Variants in ITIH6 observed in about 807,000 individuals in gnomAD.
ITIH6 encodes the protein inter-alpha-trypsin inhibitor heavy chain family member 6, also known as inter-alpha-trypsin inhibitor heavy chain H6.
A neutral mutation model predicts 58.2 loss-of-function variants in ITIH6; 60 were observed. The observed-to-expected ratio is 1.03, with a 90% CI of 0.84 to 1.28. The LOEUF is 1.28. ITIH6 is among the 50% of genes most tolerant of loss of function. The pLI, the probability that ITIH6 is intolerant of heterozygous loss-of-function variation, is 0.00. For missense variants in ITIH6, 1,290 were observed against 1,021.1 expected (o/e 1.26, Z -3.59); for synonymous variants, 493 against 417.4 (o/e 1.18, Z -2.21).
At chrX:54,753,581 A>C (rs763091148) in intron 11 of ITIH6, 70 bp downstream of exon 11, 13 of 775,656 alleles carry the variant, frequency 1.7e-5, no homozygotes, top group Non-Finnish European at 2.6e-5. Flanking sequence ...TTAACCCACA[A>C]ATGTCTAGGG....
Position 54,758,514 on chromosome X carries a change from C to A in ITIH6, c.1560G>T (p.Leu520=). 1 of 1,211,071 alleles carries A rather than the reference C, an allele frequency of 8.3e-7. No homozygotes were observed. Among genetic ancestry groups the A allele is most frequent in the Admixed American group, 2.2e-5 (1 of 46,016 alleles). The change falls in exon 8 of 13, where the codon CTG becomes CTT. Residue 520 remains leucine (L), a synonymous_variant. Transcript: ENST00000218436. ...QPGKQELGIH[L]AARGPKDQLL... is the part of the protein sequence containing the mutation. The stretch of plus-strand genomic sequence containing the variant: ...GCTGATCCTTGGGGCCACGGGCTGC[C>A]AGGTGGATGCCCAGTTCCTGTTTGC...
At chrX:54,755,177 C>A in intron 8 of ITIH6, 68 bp from the exon 9 acceptor site, 5 of 967,155 alleles carry the variant, frequency 5.2e-6, no homozygotes, top group Non-Finnish European at 7.3e-6. Flanking sequence ...ATCTTTCTGA[C>A]AAGGAGAGCC....
At chrX:54,767,340 G>C (rs1928816098) in intron 6 of ITIH6, among the ~76,000 whole-genome samples, 1 of 108,280 alleles carries the variant, frequency 9.2e-6, no homozygotes, top group Non-Finnish European at 1.9e-5. Flanking sequence ...CAAAAAACCA[G>C]CTCCTGGATT....
At chrX:54,756,451 G>A (rs1928486618) in intron 8 of ITIH6, among the ~76,000 whole-genome samples, 1 of 112,099 alleles carries the variant, frequency 8.9e-6, no homozygotes, top group Non-Finnish European at 1.9e-5. Context: ...ACAGTATGTA[G>A]AGCAGTACTT....
At chrX:54,782,906 C>A (rs1406474424) in intron 5 of ITIH6, among the ~76,000 whole-genome samples, 1 of 111,676 alleles carries the variant, frequency 9.0e-6, no homozygotes, top group African/African-American at 3.3e-5. Flanking sequence ...AAACTATAGG[C>A]CAACGACTCT....
intron 6 of ITIH6, among the ~76,000 whole-genome samples, chrX:54,765,310 G>T (rs370395334): frequency 1.4e-5 from 1 of 69,537 alleles, no homozygotes; most frequent in Non-Finnish European, 2.6e-5. Flanking sequence ...ATTGCTTTTG[G>T]TGTTTTGGAC....
chrX:54,782,162 A>T (rs1177114951), intron 5 of ITIH6, among the ~76,000 whole-genome samples: 1 of 111,345 alleles, frequency 9.0e-6, no homozygotes, highest in Non-Finnish European at 1.9e-5. Context: ...CATGCCTGTA[A>T]TCTCAGCACT....
intron 6 of ITIH6, among the ~76,000 whole-genome samples, chrX:54,761,873 A>G (rs1232954846): frequency 8.9e-6 from 1 of 111,851 alleles, no homozygotes; most frequent in Non-Finnish European, 1.9e-5. Flanking sequence ...AGGTAGTGTG[A>G]TGCCTTCAGC....
chrX:54,754,859 T>C (rs1928454677), intron 9 of ITIH6, among the ~76,000 whole-genome samples, 158 bp downstream of exon 9: 1 of 112,203 alleles, frequency 8.9e-6, no homozygotes, highest in African/African-American at 3.2e-5. Flanking sequence ...AGATTATTAA[T>C]TGGTGTTGTT....
chrX:54,774,866 G>C (rs1357742089), intron 5 of ITIH6, among the ~76,000 whole-genome samples: 1 of 111,824 alleles, frequency 8.9e-6, no homozygotes, highest in Non-Finnish European at 1.9e-5. Context: ...GGGAGGGGAG[G>C]GGGGCTGGGA....
At chrX:54,776,313 C>T (rs1255457993) in intron 5 of ITIH6, among the ~76,000 whole-genome samples, 3 of 111,435 alleles carry the variant, frequency 2.7e-5, no homozygotes, top group Non-Finnish European at 3.8e-5. Flanking sequence ...CAAGCCTCAC[C>T]GCCATGGACT....
chrX:54,776,871 C>T (rs1464374216), intron 5 of ITIH6, among the ~76,000 whole-genome samples: 2 of 111,848 alleles, frequency 1.8e-5, no homozygotes, highest in East Asian at 2.8e-4. Context: ...TTCCAAGCTG[C>T]GGTGGCTATT....
At chrX:54,788,839 C>T (rs769693004) in intron 4 of ITIH6, among the ~76,000 whole-genome samples, 190 bp from the exon 5 acceptor site, 1 of 112,417 alleles carries the variant, frequency 8.9e-6, no homozygotes, top group Admixed American at 9.3e-5. Flanking sequence ...ACAGCCAGCT[C>T]CTCTCTGCAT....
rs746175375 is a variant in ITIH6 at position 54,762,548 on chromosome X, C to T, written c.904-2621G>A. Among the ~76,000 whole-genome samples, 3 of 111,788 alleles carry T rather than the reference C, an allele frequency of 2.7e-5. No homozygotes were observed. In the South Asian group the frequency reaches 1.1e-3, roughly 42 times the overall value. On this transcript the variant is annotated intron_variant, in intron 6 of 12. Coordinates refer to ENST00000218436, the MANE Select transcript of ITIH6 (RefSeq NM_198510.3). Reference sequence around the variant, plus strand: ...TCCATAAACCTTGCTATTTTATGCTCTTTAGATAGCATACTTTCCAACTTC... The same window carrying T: ...TCCATAAACCTTGCTATTTTATGCTTTTTAGATAGCATACTTTCCAACTTC...
At chrX:54,781,869 G>T (rs1426861944) in intron 5 of ITIH6, among the ~76,000 whole-genome samples, 1 of 111,707 alleles carries the variant, frequency 9.0e-6, no homozygotes, top group Non-Finnish European at 1.9e-5. Flanking sequence ...AAGAAAATAT[G>T]GTACATATAC....
chrX:54,775,838 T>G (rs1288110514), intron 5 of ITIH6, among the ~76,000 whole-genome samples: 1 of 111,197 alleles, frequency 9.0e-6, no homozygotes, highest in East Asian at 2.8e-4. Flanking sequence ...CTAACTTGCC[T>G]CCAAACTCAA....
rs538495800 is a variant in ITIH6, at chrX:54,771,818, T to G, written c.903+2263A>C. 5.4e-5 allele frequency among the ~76,000 whole-genome samples: 6 copies of G among 111,568 alleles called. 1 individual carries two copies. In the South Asian group the frequency reaches 2.3e-3, roughly 42 times the overall value. Reference sequence around the variant, plus strand: ...ATCTTACACCAGTCAGAATGGCTATTATTAAATAGTTAAAAAAAAACAACA... The same window carrying G: ...ATCTTACACCAGTCAGAATGGCTATGATTAAATAGTTAAAAAAAAACAACA... On this transcript the variant is annotated intron_variant, in intron 6 of 12. Transcript: ENST00000218436.
At chrX:54,770,063 G>A (rs1928912904) in intron 6 of ITIH6, among the ~76,000 whole-genome samples, 1 of 112,427 alleles carries the variant, frequency 8.9e-6, no homozygotes, top group South Asian at 3.7e-4. Context: ...CGAGCCAGGT[G>A]TGGGATATAG....
chrX:54,760,002 A>C, intron 6 of ITIH6, 75 bp from the exon 7 acceptor site: 1 of 828,860 alleles, frequency 1.2e-6, no homozygotes, highest in East Asian at 3.1e-5. Context: ...TTTTCTACAC[A>C]AGGCATTAAC....
Sources: allele counts gnomAD v4.1 joint callset (sites outside exome capture counted in the v4.1 genomes callset), GRCh38; gene constraint gnomAD v4.1.1; transcripts MANE v1.5; gene names NCBI Gene and HGNC (gene_info 2026-07-23, HGNC 2026-07-21).